Variants in CES5A observed in about 807,000 individuals in gnomAD.
CES5A encodes carboxylesterase 5A.
A neutral mutation model predicts 62.9 loss-of-function variants in CES5A; 67 were observed. That is an observed-to-expected ratio of 1.07 (90% CI 0.88 to 1.31). CES5A has a LOEUF of 1.31. Ranked by LOEUF, CES5A falls within the 50% of genes most tolerant of loss-of-function variation. The pLI is 0.00. For synonymous variants in CES5A, 296 were observed against 280.8 expected, an observed-to-expected ratio of 1.05 and a Z score of -0.54; for missense variants, 748 against 708.5, an observed-to-expected ratio of 1.06 and a Z score of -0.63.
chr16:55,920,189 C>T (rs906161085), intron 1 of CES5A, among the ~76,000 whole-genome samples: 2 of 152,182 alleles, frequency 1.3e-5, no homozygotes, highest in Non-Finnish European at 2.9e-5. Flanking sequence ...CTCACATCCA[C>T]GATGCCCCTC....
intron 1 of CES5A, among the ~76,000 whole-genome samples, chr16:55,897,868 T>A (rs1357794664): frequency 3.9e-5 from 6 of 152,224 alleles, no homozygotes; most frequent in African/African-American, 1.4e-4. Flanking sequence ...GGTATATACA[T>A]ATAGTGGAAC....
chr16:55,931,002 A>AT (rs1203562509), intron 2 of CES5A, among the ~76,000 whole-genome samples: 13 of 152,208 alleles, frequency 8.5e-5, no homozygotes, highest in Non-Finnish European at 1.8e-4. Context: ...AAGGTTGGAC[A>AT]TTTTTGGTGG....
Position 55,861,526 on chromosome 16 carries a change from A to T in CES5A, c.811-10T>A. 6.3e-7 allele frequency: 1 copy of T among 1,584,056 alleles called. No homozygotes were observed. The highest frequency in any genetic ancestry group is 8.7e-7 in the Non-Finnish European group (1 of 1,152,558). ...GTGCAACCACCTGCAGCTATTTTGT[A>T]GAGAAGGACCGGGTTAGAGCATGAT... is the stretch of plus-strand genomic sequence containing the variant. On this transcript the variant is annotated splice_polypyrimidine_tract_variant and intron_variant, in intron 6 of 12. Coordinates refer to ENST00000290567, the MANE Select transcript of CES5A (RefSeq NM_001143685.2).
intron 1 of CES5A, among the ~76,000 whole-genome samples, chr16:55,922,412 A>C (rs2034214898): frequency 6.6e-6 from 1 of 151,966 alleles, no homozygotes; most frequent in African/African-American, 2.4e-5. Flanking sequence ...ATGAGAAAAA[A>C]TAGACTACAA....
chr16:55,857,588 C>A lies in CES5A; in HGVS notation c.1057-1143G>T, dbSNP rs139391399. On this transcript the variant is annotated intron_variant, in intron 8 of 12. Coordinates refer to ENST00000290567, the MANE Select transcript of CES5A (RefSeq NM_001143685.2). ...ATATTTTAACTACTAAAAACCTTATCTGTACATTAAGGAGCTGGGATTTGT... is the reference window on the plus strand; with the variant it reads ...ATATTTTAACTACTAAAAACCTTATATGTACATTAAGGAGCTGGGATTTGT... Among the ~76,000 whole-genome samples, 3 of 152,314 alleles carry A rather than the reference C, an allele frequency of 2.0e-5. No individual in the cohort carries two copies. The East Asian group carries it at 5.8e-4, about 29-fold the overall frequency.
intron 9 of CES5A, 44 bp from the exon 10 acceptor site, chr16:55,853,072 T>C (rs769278175): frequency 1.2e-6 from 2 of 1,602,322 alleles, no homozygotes; most frequent in Non-Finnish European, 1.7e-6. Flanking sequence ...TCAACCACAA[T>C]GGCCAACACG....
At chr16:55,909,804 G>C (rs1273226703) in intron 1 of CES5A, among the ~76,000 whole-genome samples, 1 of 152,176 alleles carries the variant, frequency 6.6e-6, no homozygotes, top group Non-Finnish European at 1.5e-5. Flanking sequence ...GCTGGCCTTG[G>C]ACAAGTTCAT....
At chr16:55,905,690 C>T (rs568948547) in intron 1 of CES5A, among the ~76,000 whole-genome samples, 76 of 152,208 alleles carry the variant, frequency 5.0e-4, no homozygotes, top group African/African-American at 1.8e-3. Flanking sequence ...GACTCTTCCT[C>T]CCACGCCCAG....
intron 1 of CES5A, among the ~76,000 whole-genome samples, chr16:55,898,472 T>C (rs1042155345): frequency 3.9e-5 from 6 of 152,054 alleles, no homozygotes; most frequent in Non-Finnish European, 5.9e-5. Context: ...TGAAGTAAAA[T>C]AAAAGCAAAT....
At chr16:55,944,764 T>G (rs1341653034) in intron 2 of CES5A, among the ~76,000 whole-genome samples, 1 of 152,224 alleles carries the variant, frequency 6.6e-6, no homozygotes, top group Non-Finnish European at 1.5e-5. Flanking sequence ...TAGGGCCTCC[T>G]ACTGCCCTCT....
At chr16:55,865,676 C>T (rs1268320430) in intron 5 of CES5A, among the ~76,000 whole-genome samples, 2 of 152,174 alleles carry the variant, frequency 1.3e-5, no homozygotes, top group African/African-American at 4.8e-5. Context: ...ACCATTCTGG[C>T]AATTGAATAC....
At chr16:55,888,347 T>C (rs1597136007) in intron 1 of CES5A, among the ~76,000 whole-genome samples, 1 of 152,184 alleles carries the variant, frequency 6.6e-6, no homozygotes, top group East Asian at 1.9e-4. Flanking sequence ...ACCTGGCCCA[T>C]GCACAAGTTA....
rs147114330 is a variant in CES5A at position 55,911,974 on chromosome 16, A to T, written c.-256+13349T>A. Among the ~76,000 whole-genome samples, 231 of 152,330 alleles carry T rather than the reference A, an allele frequency of 1.5e-3. 2 individuals carry two copies. Among genetic ancestry groups the T allele is most frequent in the African/African-American group, 5.3e-3 (219 of 41,578 alleles). ...CATCTTAGACCACAGTTGCATCTGA[A>T]GTTTCTAAATAGAAAATCTACCAAG... is the stretch of plus-strand genomic sequence containing the variant. On this transcript the variant is annotated intron_variant, in intron 1 of 12. Transcript: ENST00000518005.
chr16:55,876,893 T>G (rs1427898444), upstream of CES5A, among the ~76,000 whole-genome samples: 1 of 152,078 alleles, frequency 6.6e-6, no homozygotes. Context: ...GCTACAGAGA[T>G]GCTTCATGGA....
At chr16:55,882,971 A>G (rs2033777090) in intron 1 of CES5A, among the ~76,000 whole-genome samples, 1 of 152,178 alleles carries the variant, frequency 6.6e-6, no homozygotes, top group Non-Finnish European at 1.5e-5. Flanking sequence ...GAGGCAGCTA[A>G]CCCTGTAACT....
chr16:55,908,382 G>A (rs2034060042), intron 1 of CES5A, among the ~76,000 whole-genome samples: 1 of 149,902 alleles, frequency 6.7e-6, no homozygotes, highest in South Asian at 2.1e-4. Flanking sequence ...TTTTTGAGAT[G>A]GAGTTTCGCT....
At chr16:55,856,257 A>T (rs1164514794) in intron 9 of CES5A, 120 bp downstream of exon 9, 1 of 833,840 alleles carries the variant, frequency 1.2e-6, no homozygotes, top group African/African-American at 1.7e-5. Flanking sequence ...GTAAAGGTCT[A>T]TTGAATGACT....
intron 1 of CES5A, among the ~76,000 whole-genome samples, chr16:55,891,463 G>T (rs1179808278): frequency 6.6e-6 from 1 of 152,220 alleles, no homozygotes; most frequent in Non-Finnish European, 1.5e-5. Flanking sequence ...ATTTTAGGGA[G>T]ACAAGAGATG....
intron 1 of CES5A, among the ~76,000 whole-genome samples, chr16:55,889,754 C>T (rs1357686420): frequency 2.0e-5 from 3 of 152,044 alleles, no homozygotes; most frequent in Non-Finnish European, 2.9e-5. Flanking sequence ...TCTCCCTTAC[C>T]CTCTAATCAC....
Sources: allele counts gnomAD v4.1 joint callset (sites outside exome capture counted in the v4.1 genomes callset), GRCh38; gene constraint gnomAD v4.1.1; transcripts MANE v1.5; gene names NCBI Gene and HGNC (gene_info 2026-07-23, HGNC 2026-07-21).